Variants in LINGO2 observed in about 807,000 individuals in gnomAD.
LINGO2 encodes leucine-rich repeat and immunoglobulin-like domain-containing nogo receptor-interacting protein 2.
Under a neutral mutation model 30.6 loss-of-function variants are expected in LINGO2, and 14 were observed. The observed-to-expected ratio is 0.46, with a 90% confidence interval of 0.30 to 0.72. The LOEUF is 0.72. LINGO2 is among the 30% of genes least tolerant of loss of function. The probability of loss-of-function intolerance (pLI) is 0.07; values close to 1 mark genes in which losing one functional copy is unlikely to be tolerated. For missense variants in LINGO2, 729 were observed against 751.7 expected (o/e 0.97, Z 0.35); for synonymous variants, 317 against 288.5 (o/e 1.10, Z -1.00).
chr9:28,216,872 A>G (rs1168986339), intron 4 of LINGO2, among the ~76,000 whole-genome samples: 2 of 151,884 alleles, frequency 1.3e-5, no homozygotes, highest in Non-Finnish European at 2.9e-5. Context: ...ATAAAAGAAA[A>G]AAGATATCGG....
At chr9:28,997,869 CGTTT>C in the LINGO2 span, among the ~76,000 whole-genome samples, 64 of 133,450 alleles carry the variant, frequency 4.8e-4, no homozygotes, top group Admixed American at 1.3e-3. Flanking sequence ...AGTTATAATT[CGTTT>C]GTCACTTATG....
the LINGO2 span, among the ~76,000 whole-genome samples, chr9:29,072,254 G>C: frequency 6.6e-6 from 1 of 151,954 alleles, no homozygotes; most frequent in Non-Finnish European, 1.5e-5. Flanking sequence ...GACTAAATTT[G>C]TCTTCTGATT....
chr9:28,067,840 G>T (rs1198880656), intron 4 of LINGO2, among the ~76,000 whole-genome samples: 1 of 152,154 alleles, frequency 6.6e-6, no homozygotes, highest in Non-Finnish European at 1.5e-5. Flanking sequence ...CTACGATGTA[G>T]ATACGTTGGG....
intron 1 of LINGO2, among the ~76,000 whole-genome samples, chr9:28,659,030 T>C (rs982536585): frequency 9.2e-5 from 14 of 152,252 alleles, no homozygotes; most frequent in African/African-American, 2.9e-4. Flanking sequence ...AAATTCTTTG[T>C]TACTATTATT....
At chr9:28,149,621 C>T (rs4878181) in intron 4 of LINGO2, among the ~76,000 whole-genome samples, 57,583 of 148,294 alleles carry the variant, frequency 0.39, 12,114 homozygotes, top group East Asian at 0.62. Flanking sequence ...TGCCTGTGCC[C>T]GGCTGCCATC....
chr9:28,911,018 C>A, the LINGO2 span, among the ~76,000 whole-genome samples: 1 of 151,854 alleles, frequency 6.6e-6, no homozygotes, highest in Non-Finnish European at 1.5e-5. Context: ...GAAATTAAGT[C>A]TGTTTTTGTT....
chr9:28,301,459 A>G (rs1212142838), intron 3 of LINGO2, among the ~76,000 whole-genome samples: 1 of 152,026 alleles, frequency 6.6e-6, no homozygotes, highest in African/African-American at 2.4e-5. Flanking sequence ...AAATTATGAG[A>G]GTGTTGTTGA....
chr9:27,954,196 G>A (rs535597453), intron 5 of LINGO2, among the ~76,000 whole-genome samples: 1 of 152,228 alleles, frequency 6.6e-6, no homozygotes, highest in African/African-American at 2.4e-5. Context: ...TCACTTCTAT[G>A]TGTTGGGAAC....
chr9:29,054,787 A>T, the LINGO2 span, among the ~76,000 whole-genome samples: 1 of 152,236 alleles, frequency 6.6e-6, no homozygotes, highest in South Asian at 2.1e-4. Flanking sequence ...TATATTTAAA[A>T]TAAATCAAAA....
chr9:28,291,662 G>T (rs1018395486), intron 4 of LINGO2, among the ~76,000 whole-genome samples: 2 of 152,138 alleles, frequency 1.3e-5, no homozygotes, highest in Non-Finnish European at 2.9e-5. Flanking sequence ...TCGAGCTGAA[G>T]CAAATAGAGT....
chr9:28,744,108 A>ATATT, the LINGO2 span, among the ~76,000 whole-genome samples: 1 of 136,774 alleles, frequency 7.3e-6, no homozygotes, highest in Admixed American at 8.0e-5. Context: ...ATATATATAT[A>ATATT]TTTTTTTTCT....
At chr9:28,834,276 A>T in the LINGO2 span, among the ~76,000 whole-genome samples, 1 of 152,174 alleles carries the variant, frequency 6.6e-6, no homozygotes, top group Non-Finnish European at 1.5e-5. Context: ...TTCAAAAATC[A>T]TCATATTACA....
the LINGO2 span, among the ~76,000 whole-genome samples, chr9:28,791,061 T>C: frequency 6.6e-6 from 1 of 152,326 alleles, no homozygotes; most frequent in Non-Finnish European, 1.5e-5. Flanking sequence ...CTTATGCACA[T>C]TTTAAAGTCT....
chr9:28,831,471 A>G, the LINGO2 span, among the ~76,000 whole-genome samples: 2 of 152,126 alleles, frequency 1.3e-5, no homozygotes, highest in Non-Finnish European at 2.9e-5. Flanking sequence ...ACACCGAGTA[A>G]TTGAGGAGTG....
At chr9:28,592,832 AT>A (rs1175801486) in intron 1 of LINGO2, among the ~76,000 whole-genome samples, 1 of 152,006 alleles carries the variant, frequency 6.6e-6, no homozygotes, top group East Asian at 1.9e-4. Context: ...GGAATATTGG[AT>A]TTCAAAATAA....
intron 4 of LINGO2, among the ~76,000 whole-genome samples, chr9:28,166,908 C>T (rs1828442878): frequency 6.6e-6 from 1 of 152,080 alleles, no homozygotes; most frequent in South Asian, 2.1e-4. Flanking sequence ...TATGACTCTT[C>T]TGGGGTTTCT....
At chr9:28,092,007 T>C (rs371338827) in intron 4 of LINGO2, among the ~76,000 whole-genome samples, 3 of 152,168 alleles carry the variant, frequency 2.0e-5, no homozygotes, top group Non-Finnish European at 2.9e-5. Flanking sequence ...TACCATCTCA[T>C]ACCAGTTAGA....
At chr9:28,038,178 A>G (rs1824027890) in intron 4 of LINGO2, among the ~76,000 whole-genome samples, 1 of 152,158 alleles carries the variant, frequency 6.6e-6, no homozygotes, top group Non-Finnish European at 1.5e-5. Flanking sequence ...GCAACCCAAC[A>G]TTTGTAATGG....
At chr9:27,972,459 C>G (rs1820401917) in intron 5 of LINGO2, among the ~76,000 whole-genome samples, 1 of 152,020 alleles carries the variant, frequency 6.6e-6, no homozygotes. Flanking sequence ...CTCCTAAAAG[C>G]CCTCCTAAAA....
Sources: gnomAD v4.1 joint callset for allele counts (sites outside exome capture counted in the v4.1 genomes callset) on GRCh38, gnomAD v4.1.1 for gene constraint, MANE v1.5 for transcripts, NCBI Gene and HGNC (gene_info 2026-07-23, HGNC 2026-07-21) for gene names.